BPTF: variants seen among roughly 807,000 people sequenced by gnomAD.
The protein encoded by BPTF is bromodomain PHD finger transcription factor.
Under a neutral mutation model 292.5 loss-of-function variants are expected in BPTF, and 18 were observed. That is an observed-to-expected ratio of 0.06 (90% CI 0.04 to 0.09). BPTF has a LOEUF of 0.09. Ranked by LOEUF, BPTF falls within the 10% of genes least tolerant of loss-of-function variation. The pLI, the probability that BPTF is intolerant of heterozygous loss-of-function variation, is 1.00. For synonymous variants in BPTF, 1,225 were observed against 1,251.9 expected (o/e 0.98, Z 0.45); for missense variants, 2,726 against 3,498.7 (o/e 0.78, Z 5.57).
chr17:67,865,142 C>A (rs1460680911), intron 2 of BPTF, among the ~76,000 whole-genome samples: 1 of 152,170 alleles, frequency 6.6e-6, no homozygotes, highest in African/African-American at 2.4e-5. Flanking sequence ...TGAAACGCTC[C>A]AATGAGCATT....
At chr17:67,923,078 CAGG>C in intron 14 of BPTF, 88 bp downstream of exon 14, 1 of 1,298,356 alleles carries the variant, frequency 7.7e-7, no homozygotes, top group Non-Finnish European at 1.0e-6. Flanking sequence ...TTTTTTGAGA[CAGG>C]ATCTTGCTCT....
intron 1 of BPTF, among the ~76,000 whole-genome samples, chr17:67,833,286 C>T (rs1183393330): frequency 6.6e-6 from 1 of 151,402 alleles, no homozygotes; most frequent in Admixed American, 6.6e-5. Flanking sequence ...GCAGTGTTGC[C>T]CAGGCTGACC....
In BPTF at chr17:67,912,710, A is replaced by G; in HGVS notation, c.4826A>G (p.Asp1609Gly). 1 of 1,614,064 alleles carries G rather than the reference A, an allele frequency of 6.2e-7. No homozygotes were observed. The highest frequency in any genetic ancestry group is 8.5e-7 in the Non-Finnish European group (1 of 1,180,044). ...ACTGTGATCAAGGTAGAAAAAGGCG[A>G]TAAGCAAACTGTGGTTTCTTCCACA... Reference protein sequence around the residue: ...SKTVIKVEKGDKQTVVSSTEN... With the variant: ...SKTVIKVEKGGKQTVVSSTEN... The change falls in exon 11 of 28, where the codon GAT (aspartate) becomes GGT (glycine). Residue 1609 changes from aspartate to glycine, a missense_variant. Physicochemically the swap from Asp to Gly is moderately conservative, Grantham distance 94 (BLOSUM62 -1). This residue lies in a region of BPTF where 144 missense variants were observed against 177.2 expected (regional missense o/e 0.81). Coordinates refer to ENST00000306378, the MANE Select transcript of BPTF (RefSeq NM_182641.4).
At chr17:67,890,544 A>G (rs1056636655) in intron 4 of BPTF, among the ~76,000 whole-genome samples, 3 of 152,196 alleles carry the variant, frequency 2.0e-5, no homozygotes, top group Non-Finnish European at 4.4e-5. Context: ...TGGGACAGTC[A>G]CTGTGGCCAG....
In BPTF at chr17:67,976,404, C is replaced by T. The variant is rs547294620; in HGVS notation, c.8726+446C>T. ...ACAAGAATCACTTGAACTTGGGAGG[C>T]GGAGGTTGCAGTGAGCCAAGATCAC... On this transcript the variant is annotated intron_variant, in intron 27 of 27. Transcript: ENST00000306378. 2.6e-5 allele frequency among the ~76,000 whole-genome samples: 4 copies of T among 152,152 alleles called. No individual in the cohort carries two copies. In the East Asian group the frequency reaches 5.8e-4, roughly 22 times the overall value.
At chr17:67,914,280 C>A (rs8070191) in intron 11 of BPTF, among the ~76,000 whole-genome samples, 11,686 of 152,150 alleles carry the variant, frequency 0.077, 1,530 homozygotes, top group African/African-American at 0.27. Flanking sequence ...TAAGTACTCT[C>A]TATAAAGGAA....
chr17:67,899,904 C>T (rs1230971874), intron 7 of BPTF, among the ~76,000 whole-genome samples: 1 of 152,078 alleles, frequency 6.6e-6, no homozygotes, highest in African/African-American at 2.4e-5. Context: ...TAAGGAAAAA[C>T]AAGGGAATGT....
chr17:67,935,546 A>C (rs2064842619), intron 18 of BPTF, among the ~76,000 whole-genome samples: 1 of 152,212 alleles, frequency 6.6e-6, no homozygotes, highest in African/African-American at 2.4e-5. Context: ...TCTAGGGAAA[A>C]GGGAGGAATA....
chr17:67,945,997 C>G lies in BPTF; in HGVS notation c.7289C>G (p.Pro2430Arg). The part of the protein sequence containing the change: ...RPQLQIQQPQ[P>R]QVIAVPQLQQ... ...CAGCTACAAATACAGCAGCCACAGC[C>G]CCAAGTCATTGCTGTGCCTCAGCTG... The change falls in exon 21 of 28, where the codon CCC becomes CGC. Residue 2430 changes from proline to arginine, a missense_variant. Physicochemically the swap from Pro to Arg is moderately radical, Grantham distance 103 (BLOSUM62 -2). Transcript: ENST00000306378. 6.2e-7 allele frequency: 1 copy of G among 1,614,196 alleles called. No homozygotes were observed. Among genetic ancestry groups the G allele is most frequent in the Non-Finnish European group, 8.5e-7 (1 of 1,180,038 alleles).
Position 67,893,460 on chromosome 17 carries a change from T to C in BPTF, c.2146T>C (p.Leu716=), listed in dbSNP as rs776242441. ...MKGNINNYFK[L]GQEGKYRVYH... ...AGGAAATATCAACAATTATTTTAAA[T>C]TGGGTCAAGAAGGGAAGTATCGCGT... Residue 716 remains leucine (L), a synonymous_variant, in exon 6 of 28, where the codon TTG becomes CTG. Coordinates refer to ENST00000306378, the MANE Select transcript of BPTF (RefSeq NM_182641.4). 3 of 1,614,182 alleles carry C rather than the reference T, an allele frequency of 1.9e-6. No homozygotes were observed. The East Asian group carries it at 6.7e-5, about 36-fold the overall frequency.
At chr17:67,890,593 G>A (rs1183155815) in intron 4 of BPTF, among the ~76,000 whole-genome samples, 1 of 152,178 alleles carries the variant, frequency 6.6e-6, no homozygotes, top group African/African-American at 2.4e-5. Context: ...GGGTCCTGCT[G>A]CTCGCTCCAA....
intron 20 of BPTF, among the ~76,000 whole-genome samples, chr17:67,945,152 C>T (rs2065706386): frequency 6.6e-6 from 1 of 152,218 alleles, no homozygotes; most frequent in Non-Finnish European, 1.5e-5. Context: ...CCTCCCACCT[C>T]AGCCTCCCAC....
chr17:67,833,654 T>C (rs1292884445), intron 1 of BPTF, among the ~76,000 whole-genome samples: 3 of 151,880 alleles, frequency 2.0e-5, no homozygotes, highest in Non-Finnish European at 4.4e-5. Flanking sequence ...CTGCAACCTC[T>C]GCCTTCTGGG....
chr17:67,959,657 A>ACCCCCCCC lies in BPTF; in HGVS notation c.8043_8044insCCCCCCCC (p.Ala2682ProfsTer50). On this transcript the variant is annotated frameshift_variant, in exon 24 of 28. Transcript: ENST00000306378. LOFTEE classifies it high-confidence loss of function. ...TGACACCAGCTCCTCCAGCCCCTCC[A>ACCCCCCCC]GCCCCTCCACCTTCACCTCCCCCTC... 4 of 1,566,068 alleles carry ACCCCCCCC rather than the reference A, an allele frequency of 2.6e-6. No individual in the cohort carries two copies. The highest frequency in any genetic ancestry group is 3.5e-6 in the Non-Finnish European group (4 of 1,156,024).
rs1231352695 is a variant in BPTF, at chr17:67,886,217, G to C, written c.1865-5627G>C. 3 of 1,613,908 alleles carry C rather than the reference G, an allele frequency of 1.9e-6. No homozygotes were observed. In the East Asian group the frequency reaches 6.7e-5, roughly 36 times the overall value. ...TCTGGAAAACAGTAACAGCAGCAGT[G>C]AACTAAATTCTTCCCAGAGTGAATC... On this transcript the variant is annotated intron_variant, in intron 4 of 27. Transcript: ENST00000306378.
At chr17:67,909,982 TA>T (rs2062541416) in intron 10 of BPTF, among the ~76,000 whole-genome samples, 1 of 152,244 alleles carries the variant, frequency 6.6e-6, no homozygotes, top group Non-Finnish European at 1.5e-5. Context: ...AACATTTTCA[TA>T]ACCTTGAAAA....
chr17:67,949,435 C>A (rs548881235), intron 23 of BPTF, among the ~76,000 whole-genome samples: 7 of 151,666 alleles, frequency 4.6e-5, no homozygotes, highest in Non-Finnish European at 1.5e-5. Flanking sequence ...ATTAGCTGGG[C>A]GTGGTGGCAG....
chr17:67,903,381 A>C (rs756903709), intron 7 of BPTF, among the ~76,000 whole-genome samples: 1 of 152,260 alleles, frequency 6.6e-6, no homozygotes, highest in Non-Finnish European at 1.5e-5. Flanking sequence ...AATTCCTTAA[A>C]AAAATCTGTA....
At chr17:67,900,128 A>G (rs1313899646) in intron 7 of BPTF, among the ~76,000 whole-genome samples, 5 of 151,934 alleles carry the variant, frequency 3.3e-5, no homozygotes, top group African/African-American at 4.8e-5. Context: ...GTTTTGAGAC[A>G]GAGTCTTGCT....
Sources: gnomAD v4.1 joint callset for allele counts (sites outside exome capture counted in the v4.1 genomes callset) on GRCh38, gnomAD v4.1.1 for gene constraint, gnomAD v4.1.1 regional missense constraint, MANE v1.5 for transcripts, NCBI Gene and HGNC (gene_info 2026-07-23, HGNC 2026-07-21) for gene names.